The following KLF8 variants were observed in gnomAD, a reference collection of about 807,000 sequenced individuals.
KLF8 encodes Krueppel-like factor 8.
KLF8 carries 10 observed loss-of-function variants against 18.2 expected under a neutral mutation model. That is an observed-to-expected ratio of 0.55 (90% CI 0.34 to 0.93). KLF8 has a LOEUF of 0.93. KLF8 is among the 40% of genes least tolerant of loss of function. The pLI is 0.02. For missense variants in KLF8, 264 were observed against 277.9 expected (o/e 0.95, Z 0.36); for synonymous variants, 109 against 97.3 (o/e 1.12, Z -0.71).
At chrX:56,136,287 G>T in the KLF8 span, among the ~76,000 whole-genome samples, 3 of 110,967 alleles carry the variant, frequency 2.7e-5, no homozygotes, top group African/African-American at 9.8e-5. Context: ...AAAAGAGCCC[G>T]CATCGCCAAG....
At chrX:56,124,327 A>G in the KLF8 span, among the ~76,000 whole-genome samples, 5 of 111,829 alleles carry the variant, frequency 4.5e-5, no homozygotes, top group Non-Finnish European at 9.4e-5. Context: ...AAAGTTTCAC[A>G]TATATTAGAA....
the KLF8 span, among the ~76,000 whole-genome samples, chrX:56,217,084 A>G: frequency 1.8e-5 from 2 of 112,146 alleles, no homozygotes; most frequent in Non-Finnish European, 1.9e-5. Context: ...CTCCTGGCCC[A>G]TGGTAGCCAG....
chrX:56,143,477 C>G, the KLF8 span, among the ~76,000 whole-genome samples: 1 of 112,271 alleles, frequency 8.9e-6, no homozygotes, highest in African/African-American at 3.2e-5. Context: ...TTCTTATTCA[C>G]TAATATGTCT....
At chrX:56,048,687 G>A in the KLF8 span, among the ~76,000 whole-genome samples, 1 of 111,834 alleles carries the variant, frequency 8.9e-6, no homozygotes, top group African/African-American at 3.2e-5. Context: ...AGTATAGTTT[G>A]AAGTCAGGTA....
At chrX:56,085,105 C>T in the KLF8 span, among the ~76,000 whole-genome samples, 1 of 111,906 alleles carries the variant, frequency 8.9e-6, no homozygotes, top group East Asian at 2.8e-4. Flanking sequence ...ATTTTCTGAG[C>T]TAATTAGCCC....
the KLF8 span, among the ~76,000 whole-genome samples, chrX:56,123,271 A>AAG: frequency 1.4e-3 from 126 of 91,309 alleles, 2 homozygotes; most frequent in Non-Finnish European, 1.5e-3. Flanking sequence ...GAAAGAAAGA[A>AAG]AAAGAAAGAA....
At chrX:56,064,802 C>G in the KLF8 span, among the ~76,000 whole-genome samples, 12 of 111,694 alleles carry the variant, frequency 1.1e-4, no homozygotes, top group African/African-American at 2.9e-4. Flanking sequence ...GATAAACCCT[C>G]TCAGCTTTTG....
At chrX:56,028,616 C>A in the KLF8 span, among the ~76,000 whole-genome samples, 5 of 111,612 alleles carry the variant, frequency 4.5e-5, no homozygotes, top group East Asian at 1.1e-3. Flanking sequence ...CAGCCTAGGT[C>A]TTTAGCAGGA....
the KLF8 span, among the ~76,000 whole-genome samples, chrX:55,948,569 T>A: frequency 7.8e-4 from 88 of 112,212 alleles, 1 homozygote; most frequent in Admixed American, 8.3e-3. Context: ...CTTTTCAACT[T>A]GTGAAAGTCA....
At chrX:55,918,933 C>T in the KLF8 span, among the ~76,000 whole-genome samples, 44 of 112,259 alleles carry the variant, frequency 3.9e-4, no homozygotes, top group African/African-American at 1.4e-3. Context: ...GGTCACATTA[C>T]CACCCAAAAT....
chrX:56,236,179 C>T (rs1231518387), intron 1 of KLF8, among the ~76,000 whole-genome samples: 3 of 111,965 alleles, frequency 2.7e-5, no homozygotes, highest in East Asian at 5.6e-4. Flanking sequence ...TTCTAATATA[C>T]AGCCCATCAT....
the KLF8 span, among the ~76,000 whole-genome samples, chrX:56,213,569 C>G: frequency 2.7e-5 from 3 of 109,515 alleles, no homozygotes; most frequent in South Asian, 1.2e-3. Flanking sequence ...GTAATCCACC[C>G]GCCTTGGCCT....
At chrX:56,033,571 T>C in the KLF8 span, among the ~76,000 whole-genome samples, 1 of 112,132 alleles carries the variant, frequency 8.9e-6, no homozygotes, top group South Asian at 3.7e-4. Context: ...GTTCTATTTT[T>C]AGTTTATTGA....
At chrX:56,186,552 C>T in the KLF8 span, among the ~76,000 whole-genome samples, 2 of 111,608 alleles carry the variant, frequency 1.8e-5, no homozygotes, top group African/African-American at 6.5e-5. Flanking sequence ...GAACTCTCCA[C>T]CCCAAATCAG....
rs2067305267 is a variant in KLF8 at position 56,289,880 on chromosome X, C to T, written c.*5386C>T. Among the ~76,000 whole-genome samples, 1 of 111,448 alleles carries T rather than the reference C, an allele frequency of 9.0e-6. No individual in the cohort carries two copies. Among genetic ancestry groups the T allele is most frequent in the African/African-American group, 3.3e-5 (1 of 30,630 alleles). The stretch of plus-strand genomic sequence containing the variant: ...TTCTGGAATTAGGGATTTCTGTGAT[C>T]TGAGTTCCAAGATTCTGGGGTCTAT... On this transcript the variant is annotated 3_prime_UTR_variant, in exon 6 of 6. Coordinates refer to ENST00000468660, the MANE Select transcript of KLF8 (RefSeq NM_007250.5).
chrX:56,274,151 G>A (rs1268582304), intron 5 of KLF8, among the ~76,000 whole-genome samples: 3 of 111,745 alleles, frequency 2.7e-5, no homozygotes, highest in African/African-American at 9.8e-5. Flanking sequence ...GTATATGAGG[G>A]TTCCTTTTTT....
chrX:55,933,725 T>G, the KLF8 span, among the ~76,000 whole-genome samples: 1 of 112,201 alleles, frequency 8.9e-6, no homozygotes, highest in Non-Finnish European at 1.9e-5. Flanking sequence ...CCCACAATTT[T>G]TTCTGTCTTA....
At chrX:56,078,742 G>A in the KLF8 span, among the ~76,000 whole-genome samples, 2 of 111,403 alleles carry the variant, frequency 1.8e-5, no homozygotes, top group East Asian at 2.8e-4. Context: ...TGTACCTCTG[G>A]TAGAATTCGG....
chrX:56,043,981 T>A, the KLF8 span, among the ~76,000 whole-genome samples: 1 of 111,983 alleles, frequency 8.9e-6, no homozygotes, highest in African/African-American at 3.3e-5. Context: ...TGAATGAGGT[T>A]TTTGTGGGTT....
Sources: gnomAD v4.1 joint callset for allele counts (sites outside exome capture counted in the v4.1 genomes callset) on GRCh38, gnomAD v4.1.1 for gene constraint, MANE v1.5 for transcripts, NCBI Gene and HGNC (gene_info 2026-07-23, HGNC 2026-07-21) for gene names.